Variants in ZMYM1 observed in about 807,000 individuals in gnomAD.
The protein encoded by ZMYM1 is zinc finger MYM-type protein 1.
Under a neutral mutation model 60.0 loss-of-function variants are expected in ZMYM1, and 39 were observed. The observed-to-expected ratio is 0.65, with a 90% confidence interval of 0.50 to 0.85. ZMYM1 has a LOEUF of 0.85. Among genes scored for constraint, ZMYM1 ranks in the 40% least tolerant of loss-of-function variants. ZMYM1 has a pLI of 0.00. For synonymous variants in ZMYM1, 413 were observed against 454.0 expected, an observed-to-expected ratio of 0.91 and a Z score of 1.15; for missense variants, 1,171 against 1,309.5, an observed-to-expected ratio of 0.89 and a Z score of 1.63.
At chr1:35,079,025 C>T (rs1159558633), upstream of ZMYM1, 1 of 151,942 alleles carries the variant, frequency 6.6e-6, no homozygotes, top group Non-Finnish European at 1.5e-5. Context: ...TGTTTACAAA[C>T]CTACGATGCA....
At chr1:35,102,771 C>T (rs1312921289) in intron 4 of ZMYM1, among the ~76,000 whole-genome samples, 1 of 152,172 alleles carries the variant, frequency 6.6e-6, no homozygotes, top group Non-Finnish European at 1.5e-5. Flanking sequence ...TCCATATGGG[C>T]TTTTCCTTGA....
chr1:35,075,473 C>T (rs1325881676), upstream of ZMYM1, among the ~76,000 whole-genome samples: 1 of 151,958 alleles, frequency 6.6e-6, no homozygotes, highest in Non-Finnish European at 1.5e-5. Context: ...AAAGGAAGCC[C>T]CGGATTGGTT....
Position 35,109,468 on chromosome 1 carries a change from C to G in ZMYM1, c.808-826C>G, listed in dbSNP as rs373991384. On this transcript the variant is annotated intron_variant, in intron 6 of 9. Coordinates refer to ENST00000359858, the MANE Select transcript of ZMYM1 (RefSeq NM_024772.5). ...GCATGGTTACTACTTACTGAACTCA[C>G]AGTACTCTATACTTTCTATTGCTTG... is the stretch of plus-strand genomic sequence containing the variant. Among the ~76,000 whole-genome samples, 6 of 152,312 alleles carry G rather than the reference C, an allele frequency of 3.9e-5. No individual in the cohort carries two copies. The East Asian group carries it at 5.8e-4, about 15-fold the overall frequency.
intron 1 of ZMYM1, among the ~76,000 whole-genome samples, chr1:35,061,775 CA>C (rs1208033590): frequency 1.3e-5 from 2 of 149,464 alleles, no homozygotes; most frequent in Admixed American, 6.7e-5. Context: ...GACTCCGTGT[CA>C]AAAAAAGAAA....
At chr1:35,060,256 G>C (rs1641848309) in intron 1 of ZMYM1, among the ~76,000 whole-genome samples, 1 of 151,620 alleles carries the variant, frequency 6.6e-6, no homozygotes, top group African/African-American at 2.4e-5. Flanking sequence ...TGCAACCTCT[G>C]TCTCCCCAGT....
At chr1:35,090,455 C>T (rs573019663) in intron 1 of ZMYM1, among the ~76,000 whole-genome samples, 2 of 152,210 alleles carry the variant, frequency 1.3e-5, no homozygotes, top group African/African-American at 4.8e-5. Context: ...TTGATGGGTG[C>T]AGCAAACCAC....
At chr1:35,108,609 T>A (rs1396654551) in intron 6 of ZMYM1, among the ~76,000 whole-genome samples, 1 of 152,020 alleles carries the variant, frequency 6.6e-6, no homozygotes, top group Non-Finnish European at 1.5e-5. Context: ...CGCCTCGGCC[T>A]GCCAAAGTGC....
chr1:35,100,621 C>CAAA (rs200864645), intron 4 of ZMYM1, among the ~76,000 whole-genome samples: 14 of 108,374 alleles, frequency 1.3e-4, no homozygotes, highest in African/African-American at 4.6e-4. Context: ...GACCCTGTCT[C>CAAA]AAAAAAAAAA....
chr1:35,065,261 T>G (rs1032762613), intron 1 of ZMYM1, among the ~76,000 whole-genome samples: 1 of 151,484 alleles, frequency 6.6e-6, no homozygotes, highest in Admixed American at 6.6e-5. Context: ...GATGAAGACA[T>G]TTATGACTGG....
intron 1 of ZMYM1, among the ~76,000 whole-genome samples, chr1:35,069,606 A>G (rs1399530910): frequency 6.6e-6 from 1 of 151,758 alleles, no homozygotes; most frequent in African/African-American, 2.4e-5. Flanking sequence ...CCATTTGTCT[A>G]TTTTTGTTTT....
chr1:35,097,975 G>A (rs368401452), intron 4 of ZMYM1, among the ~76,000 whole-genome samples: 7 of 152,096 alleles, frequency 4.6e-5, no homozygotes, highest in African/African-American at 1.7e-4. Flanking sequence ...AAGACGTGTC[G>A]TCTTGGTTTA....
At chr1:35,103,765 A>G (rs1471883599) in intron 4 of ZMYM1, among the ~76,000 whole-genome samples, 1 of 152,224 alleles carries the variant, frequency 6.6e-6, no homozygotes, top group Non-Finnish European at 1.5e-5. Context: ...AGCAAATAAC[A>G]TCTTACTATG....
intron 1 of ZMYM1, 38 bp downstream of exon 1, chr1:35,079,480 T>G (rs1642249088): frequency 6.6e-6 from 1 of 152,198 alleles, no homozygotes; most frequent in South Asian, 2.1e-4. Context: ...CGGTCTTTAC[T>G]CCTGCGCCTT....
chr1:35,104,552 C>A lies in ZMYM1; in HGVS notation c.595-5C>A. 1.2e-6 allele frequency: 2 copies of A among 1,613,692 alleles called. No individual in the cohort carries two copies. Among genetic ancestry groups the A allele is most frequent in the Non-Finnish European group, 1.7e-6 (2 of 1,179,704 alleles). On this transcript the variant is annotated splice_region_variant and splice_polypyrimidine_tract_variant and intron_variant, in intron 5 of 9. Coordinates refer to ENST00000359858, the MANE Select transcript of ZMYM1 (RefSeq NM_024772.5). ...TTTTTACTGAATCTTTTTATTAAAT[C>A]CTAGATTCAGTATGAAGTAAAATAC... is the stretch of plus-strand genomic sequence containing the variant.
At chr1:35,073,338 AAAGGAAGGAAGG>A (rs71029062) in intron 1 of ZMYM1, among the ~76,000 whole-genome samples, 9 of 115,678 alleles carry the variant, frequency 7.8e-5, no homozygotes, top group African/African-American at 1.1e-4. Flanking sequence ...AGAAAGAAAG[AAAGGAAGGAAGG>A]AAGGAAGGAA....
Position 35,114,437 on chromosome 1 carries a change from G to T in ZMYM1, c.2607G>T (p.Leu869=), listed in dbSNP as rs763072075. ...GTTTGAAATTCCTGTATCGAGTGCT[G>T]AGTGTTACAGGAATTCTTTCCAAAG... The part of the protein sequence containing the change: ...VFCLKFLYRV[L]SVTGILSKEL... Residue 869 remains leucine (L), a synonymous_variant, in exon 10 of 10, where the codon CTG becomes CTT. Transcript: ENST00000359858. 6.2e-7 allele frequency: 1 copy of T among 1,613,420 alleles called. No homozygotes were observed. Among genetic ancestry groups the T allele is most frequent in the Admixed American group, 1.7e-5 (1 of 59,960 alleles).
chr1:35,105,444 T>G (rs1205299951), intron 6 of ZMYM1, among the ~76,000 whole-genome samples: 1 of 151,198 alleles, frequency 6.6e-6, no homozygotes, highest in Non-Finnish European at 1.5e-5. Context: ...ACCTTATTTA[T>G]TTTTTTTGAG....
At chr1:35,087,026 T>C (rs1287440599) in intron 1 of ZMYM1, among the ~76,000 whole-genome samples, 1 of 140,094 alleles carries the variant, frequency 7.1e-6, no homozygotes, top group Non-Finnish European at 1.5e-5. Context: ...AGTCTTGCTC[T>C]GTCGTACCCA....
At chr1:35,082,932 G>A (rs1642467582) in intron 1 of ZMYM1, among the ~76,000 whole-genome samples, 1 of 152,034 alleles carries the variant, frequency 6.6e-6, no homozygotes, top group Non-Finnish European at 1.5e-5. Context: ...AGTGACCTGA[G>A]ATTGTGCCAT....
Sources: allele counts gnomAD v4.1 joint callset (sites outside exome capture counted in the v4.1 genomes callset), GRCh38; gene constraint gnomAD v4.1.1; transcripts MANE v1.5; gene names NCBI Gene and HGNC (gene_info 2026-07-23, HGNC 2026-07-21).